The following COX10 variants were observed in gnomAD, a reference collection of about 807,000 sequenced individuals.
The protein encoded by COX10 is cytochrome c oxidase assembly factor heme A:farnesyltransferase COX10, also known as protoheme IX farnesyltransferase, mitochondrial.
Under a neutral mutation model 37.3 loss-of-function variants are expected in COX10, and 27 were observed. That is an observed-to-expected ratio of 0.72 (90% confidence interval 0.53 to 1.00). The LOEUF is 1.00. Among genes scored for constraint, COX10 ranks in the 50% least tolerant of loss-of-function variants. The pLI, the probability that COX10 is intolerant of heterozygous loss-of-function variation, is 0.00. For missense variants in COX10, 475 were observed against 563.2 expected, an observed-to-expected ratio of 0.84 and a Z score of 1.59; for synonymous variants, 222 against 229.1, an observed-to-expected ratio of 0.97 and a Z score of 0.28.
chr17:14,084,862 G>T, intron 3 of COX10, among the ~76,000 whole-genome samples: 1 of 152,164 alleles, frequency 6.6e-6, no homozygotes, highest in Non-Finnish European at 1.5e-5. Context: ...GTTTCGCCAT[G>T]TTGGCCAGGC....
At chr17:14,138,270 T>C (rs752503198) in intron 4 of COX10, among the ~76,000 whole-genome samples, 3 of 152,166 alleles carry the variant, frequency 2.0e-5, no homozygotes, top group Non-Finnish European at 4.4e-5. Context: ...TTAAATATTA[T>C]TTGTTTTTAA....
At chr17:14,112,078 A>C (rs977500048) in intron 4 of COX10, among the ~76,000 whole-genome samples, 1 of 152,180 alleles carries the variant, frequency 6.6e-6, no homozygotes, top group Non-Finnish European at 1.5e-5. Flanking sequence ...GAGCATGCAC[A>C]AAGTGTAATG....
At chr17:14,168,325 C>T (rs972824096) in intron 5 of COX10, among the ~76,000 whole-genome samples, 38 of 152,256 alleles carry the variant, frequency 2.5e-4, no homozygotes, top group African/African-American at 9.2e-4. Flanking sequence ...GCCCTCATGG[C>T]TGCTTTCATG....
intron 3 of COX10, among the ~76,000 whole-genome samples, chr17:14,094,991 G>A (rs1300766906): frequency 6.6e-6 from 1 of 152,028 alleles, no homozygotes; most frequent in Admixed American, 6.6e-5. Flanking sequence ...ATAATTGAAG[G>A]GTTGTGCTAA....
At chr17:14,107,115 C>T (rs1034145266) in intron 4 of COX10, among the ~76,000 whole-genome samples, 2 of 152,104 alleles carry the variant, frequency 1.3e-5, no homozygotes, top group South Asian at 2.1e-4. Flanking sequence ...GGCACTCCCC[C>T]ACCCCCACTT....
chr17:14,129,125 C>T (rs1012080375), intron 4 of COX10, among the ~76,000 whole-genome samples: 2 of 149,918 alleles, frequency 1.3e-5, no homozygotes, highest in Admixed American at 6.7e-5. Context: ...GGATTACAGG[C>T]GTGAGCCACT....
chr17:14,101,257 G>A (rs539283975), intron 3 of COX10, among the ~76,000 whole-genome samples: 1 of 152,226 alleles, frequency 6.6e-6, no homozygotes, highest in South Asian at 2.1e-4. Context: ...CTTCCCTTGT[G>A]CCTGTTCTTG....
At position 14,150,222 on chromosome 17, in the gene COX10, G is replaced by A. The variant is rs112140188; in HGVS notation, c.625-9655G>A. On this transcript the variant is annotated intron_variant, in intron 4 of 6. Coordinates refer to ENST00000261643, the MANE Select transcript of COX10 (RefSeq NM_001303.4). The stretch of plus-strand genomic sequence containing the variant: ...CAGGATGCAGAGGTTGCAGCCACCC[G>A]TGATTGTGCCACTGTATTTAGCCTG... 6.2e-3 allele frequency among the ~76,000 whole-genome samples: 936 copies of A among 151,928 alleles called. 10 individuals are homozygous for A. Among genetic ancestry groups the A allele is most frequent in the South Asian group, 0.011 (55 of 4,810 alleles).
intron 4 of COX10, among the ~76,000 whole-genome samples, chr17:14,156,381 C>G (rs1020949979): frequency 1.3e-5 from 2 of 152,128 alleles, no homozygotes; most frequent in African/African-American, 4.8e-5. Context: ...AGGCACCCGC[C>G]ACCGCGCCCG....
rs77619659 is a variant in COX10, at chr17:14,102,835, G to A, written c.624+593G>A. Among the ~76,000 whole-genome samples, 1,435 of 151,848 alleles carry A rather than the reference G, an allele frequency of 9.5e-3. 54 individuals carry two copies. Among genetic ancestry groups the A allele is most frequent in the East Asian group, 0.088 (451 of 5,144 alleles). ...TCTAGTCACTGTGGTCTGCCTTAAC[G>A]TTGTGGCTTTTTCATAAGATATTAT... On this transcript the variant is annotated intron_variant, in intron 4 of 6. Transcript: ENST00000261643.
intron 4 of COX10, among the ~76,000 whole-genome samples, chr17:14,141,263 G>A (rs1567600338): frequency 6.6e-6 from 1 of 152,020 alleles, no homozygotes; most frequent in Non-Finnish European, 1.5e-5. Flanking sequence ...ACATCGGCCA[G>A]GCACAGTGGC....
chr17:14,125,991 T>G (rs2142215944), intron 4 of COX10, among the ~76,000 whole-genome samples: 1 of 152,286 alleles, frequency 6.6e-6, no homozygotes, highest in South Asian at 2.1e-4. Context: ...TTAAAGTGTT[T>G]GCCACGGAGA....
chr17:14,109,522 TTAA>T (rs1348913517), intron 4 of COX10, among the ~76,000 whole-genome samples: 2 of 152,210 alleles, frequency 1.3e-5, no homozygotes, highest in Non-Finnish European at 2.9e-5. Flanking sequence ...TATTCGCTTC[TTAA>T]TGATGACTCT....
chr17:14,126,687 T>C (rs1916348323), intron 4 of COX10, among the ~76,000 whole-genome samples: 1 of 152,154 alleles, frequency 6.6e-6, no homozygotes, highest in South Asian at 2.1e-4. Flanking sequence ...AGGGTGTTGG[T>C]GGCAGGGGAT....
rs1906739259 is a variant in COX10, at chr17:14,207,265, TGTG to T, written c.*55_*57del. 6.7e-7 allele frequency: 1 copy of T among 1,495,674 alleles called. No individual in the cohort carries two copies. The highest frequency in any genetic ancestry group is 1.3e-5 in the South Asian group (1 of 76,888). The allele number at this position is 1,495,674 out of a possible 1,614,324, so 92.7% of individuals were successfully genotyped here. A position where few individuals can be genotyped will look rare whatever the true frequency, so the allele number is the denominator to read the frequency against. On this transcript the variant is annotated 3_prime_UTR_variant, in exon 7 of 7. Transcript: ENST00000261643. ...TCCCTCCGCTGCCAGGCGAGCATGT[TGTG>T]GTAATTCTGGAACACAAGAAGAGAA...
At chr17:14,092,851 T>C (rs1915558831) in intron 3 of COX10, among the ~76,000 whole-genome samples, 5 of 152,164 alleles carry the variant, frequency 3.3e-5, no homozygotes, top group Admixed American at 3.3e-4. Flanking sequence ...GTTATATAAT[T>C]TTGACCTTTG....
At chr17:14,171,149 G>A (rs1313404529) in intron 5 of COX10, among the ~76,000 whole-genome samples, 10 of 152,150 alleles carry the variant, frequency 6.6e-5, no homozygotes, top group Non-Finnish European at 1.3e-4. Flanking sequence ...GGAAAGTAGA[G>A]TGGTGGGTTA....
At chr17:14,116,558 T>C (rs891446237) in intron 4 of COX10, among the ~76,000 whole-genome samples, 10 of 152,126 alleles carry the variant, frequency 6.6e-5, no homozygotes, top group African/African-American at 1.9e-4. Flanking sequence ...TGCTGGTTGC[T>C]CAGGCCAGAA....
intron 4 of COX10, among the ~76,000 whole-genome samples, chr17:14,143,813 GTT>G (rs1904621640): frequency 6.6e-6 from 1 of 152,058 alleles, no homozygotes; most frequent in Non-Finnish European, 1.5e-5. Context: ...ATTGCCCCTG[GTT>G]TCCCCCTTTC....
Sources: gnomAD v4.1 joint callset for allele counts (sites outside exome capture counted in the v4.1 genomes callset) on GRCh38, gnomAD v4.1.1 for gene constraint, MANE v1.5 for transcripts, NCBI Gene and HGNC (gene_info 2026-07-23, HGNC 2026-07-21) for gene names.